Variants in YTHDC2 observed in about 807,000 individuals in gnomAD.
The protein encoded by YTHDC2 is 3'-5' RNA helicase YTHDC2.
A neutral mutation model predicts 174.9 loss-of-function variants in YTHDC2; 45 were observed. The ratio of observed to expected loss-of-function variants is 0.26; its 90% CI spans 0.20 to 0.33. The LOEUF (loss-of-function observed/expected upper bound fraction) is 0.33, where lower values mean the gene tolerates loss of function less well. YTHDC2 is among the 10% of genes least tolerant of loss of function. The pLI, the probability that YTHDC2 is intolerant of heterozygous loss-of-function variation, is 1.00. For missense variants in YTHDC2, 1,650 were observed against 1,723.7 expected, an observed-to-expected ratio of 0.96 and a Z score of 0.76; for synonymous variants, 657 against 574.5, an observed-to-expected ratio of 1.14 and a Z score of -2.05.
intron 26 of YTHDC2, among the ~76,000 whole-genome samples, chr5:113,588,355 T>A (rs546015727): frequency 6.6e-5 from 10 of 152,154 alleles, no homozygotes; most frequent in African/African-American, 2.2e-4. Context: ...CCCCACTTGG[T>A]CATGGTGTTA....
At chr5:113,563,781 C>G (rs1158935454) in intron 19 of YTHDC2, 78 bp from the exon 20 acceptor site, 1 of 1,491,676 alleles carries the variant, frequency 6.7e-7, no homozygotes, top group Non-Finnish European at 9.1e-7. Context: ...TCTTATTTCT[C>G]ATTTAGGGGT....
chr5:113,589,848 A>G (rs1221897074), intron 26 of YTHDC2, among the ~76,000 whole-genome samples: 4 of 152,072 alleles, frequency 2.6e-5, no homozygotes, highest in Non-Finnish European at 5.9e-5. Flanking sequence ...CTTGTCTCCT[A>G]ATTACATCAA....
chr5:113,556,775 T>A (rs975207868), intron 17 of YTHDC2, among the ~76,000 whole-genome samples: 1 of 152,204 alleles, frequency 6.6e-6, no homozygotes, highest in Admixed American at 6.5e-5. Context: ...GACCATAGAT[T>A]CCACTTGTCA....
intron 3 of YTHDC2, among the ~76,000 whole-genome samples, chr5:113,525,863 GA>G (rs1320158593): frequency 6.6e-6 from 1 of 152,010 alleles, no homozygotes; most frequent in African/African-American, 2.4e-5. Context: ...GCAGAATATA[GA>G]AAATATGTGG....
intron 9 of YTHDC2, among the ~76,000 whole-genome samples, chr5:113,541,437 C>T (rs1033596240): frequency 3.9e-5 from 6 of 151,948 alleles, no homozygotes; most frequent in South Asian, 2.1e-4. Context: ...GTGATCCACC[C>T]GCCTCGGCCT....
At chr5:113,525,694 G>T (rs1774169994) in intron 3 of YTHDC2, among the ~76,000 whole-genome samples, 1 of 152,092 alleles carries the variant, frequency 6.6e-6, no homozygotes, top group South Asian at 2.1e-4. Flanking sequence ...AGAGTCTTCA[G>T]TACATTAAGT....
rs1044831893 is a variant in YTHDC2 at position 113,534,471 on chromosome 5, G to A, written c.945+64G>A. 3.4e-5 allele frequency: 48 copies of A among 1,411,794 alleles called. No individual in the cohort carries two copies. In the Admixed American group the frequency reaches 3.7e-4, roughly 11 times the overall value. 87.5% of individuals were successfully genotyped at this position (1,411,794 alleles called of 1,614,324 possible). On this transcript the variant is annotated intron_variant, in intron 6 of 29. Coordinates refer to ENST00000161863, the MANE Select transcript of YTHDC2 (RefSeq NM_022828.5). ...TGCTTAAAATTTAAATACATATGCC[G>A]TTTCAGGATAGTCTCAAAAAATTTA...
At chr5:113,530,076 A>G (rs1774549806) in intron 4 of YTHDC2, among the ~76,000 whole-genome samples, 1 of 152,180 alleles carries the variant, frequency 6.6e-6, no homozygotes, top group African/African-American at 2.4e-5. Context: ...AGCTGGAACT[A>G]TAGGTGCATA....
Position 113,515,322 on chromosome 5 carries a change from C to G in YTHDC2, c.238C>G (p.Arg80Gly), listed in dbSNP as rs758353995. 1.2e-6 allele frequency: 2 copies of G among 1,612,682 alleles called. No homozygotes were observed. The highest frequency in any genetic ancestry group is 1.7e-6 in the Non-Finnish European group (2 of 1,179,714). The change falls in exon 2 of 30, where the codon CGA becomes GGA. Residue 80 changes from arginine to glycine, a missense_variant. Physicochemically the swap from Arg to Gly is moderately radical, Grantham distance 125. Coordinates refer to ENST00000161863, the MANE Select transcript of YTHDC2 (RefSeq NM_022828.5). ...LTSTERAFIH[R>G]LSQSLGLVSK... ...CAGTACTGAAAGAGCCTTTATTCAT[C>G]GACTCAGTCAGTCTCTTGGTTTGGT...
intron 17 of YTHDC2, among the ~76,000 whole-genome samples, chr5:113,556,909 TTAAA>T (rs1431884607): frequency 6.6e-6 from 1 of 152,224 alleles, no homozygotes; most frequent in African/African-American, 2.4e-5. Flanking sequence ...ACTGAAGTGA[TTAAA>T]TAAATTATAG....
At chr5:113,569,497 A>G (rs1561687215) in intron 23 of YTHDC2, among the ~76,000 whole-genome samples, 1 of 152,116 alleles carries the variant, frequency 6.6e-6, no homozygotes, top group East Asian at 1.9e-4. Flanking sequence ...TAAGTCTTTA[A>G]TCCATCTTGA....
At chr5:113,533,460 A>G (rs1269793077) in intron 5 of YTHDC2, among the ~76,000 whole-genome samples, 2 of 151,952 alleles carry the variant, frequency 1.3e-5, no homozygotes, top group Non-Finnish European at 2.9e-5. Flanking sequence ...GAGGCAGGAG[A>G]ATCGTTTGAA....
intron 17 of YTHDC2, among the ~76,000 whole-genome samples, chr5:113,559,038 T>C (rs1190221239): frequency 6.6e-6 from 1 of 152,092 alleles, no homozygotes; most frequent in Non-Finnish European, 1.5e-5. Context: ...TGAATATAAT[T>C]AAAGTTCCTT....
At chr5:113,543,160 A>T (rs1346728962) in intron 10 of YTHDC2, among the ~76,000 whole-genome samples, 1 of 152,004 alleles carries the variant, frequency 6.6e-6, no homozygotes, top group African/African-American at 2.4e-5. Flanking sequence ...GACCTCATCT[A>T]CCCCCAGATT....
At chr5:113,572,513 A>G (rs540343093) in intron 23 of YTHDC2, among the ~76,000 whole-genome samples, 2 of 152,296 alleles carry the variant, frequency 1.3e-5, no homozygotes, top group East Asian at 1.9e-4. Flanking sequence ...CAGGTCCTGA[A>G]TATCTTTGTT....
At chr5:113,586,950 TAATATATA>T (rs1329665260) in intron 26 of YTHDC2, among the ~76,000 whole-genome samples, 3 of 88,154 alleles carry the variant, frequency 3.4e-5, no homozygotes, top group Non-Finnish European at 6.1e-5. Flanking sequence ...TATTCATATA[TAATATATA>T]AATATATATT....
chr5:113,520,765 G>A (rs1417481798), intron 2 of YTHDC2, among the ~76,000 whole-genome samples: 1 of 152,124 alleles, frequency 6.6e-6, no homozygotes, highest in Non-Finnish European at 1.5e-5. Flanking sequence ...TGTGGATATA[G>A]TTTATTTTTC....
intron 12 of YTHDC2, among the ~76,000 whole-genome samples, chr5:113,551,320 A>C (rs1182390420): frequency 6.6e-6 from 1 of 152,056 alleles, no homozygotes; most frequent in East Asian, 1.9e-4. Flanking sequence ...TATCTGGATA[A>C]TATTTTAATT....
chr5:113,539,272 A>G (rs1322781324), intron 8 of YTHDC2, 91 bp downstream of exon 8: 1 of 496,704 alleles, frequency 2.0e-6, no homozygotes, highest in East Asian at 3.9e-5. Context: ...GTACAAGGAC[A>G]CTTGAAAGTG....
Sources: gnomAD v4.1 joint callset for allele counts (sites outside exome capture counted in the v4.1 genomes callset) on GRCh38, gnomAD v4.1.1 for gene constraint, MANE v1.5 for transcripts, NCBI Gene and HGNC (gene_info 2026-07-23, HGNC 2026-07-21) for gene names.